INTS1: variants seen among roughly 807,000 people sequenced by gnomAD.
INTS1 encodes integrator complex subunit 1.
Under a neutral mutation model 241.6 loss-of-function variants are expected in INTS1, and 137 were observed. That is an observed-to-expected ratio of 0.57 (90% CI 0.49 to 0.65). INTS1 has a LOEUF of 0.65. Ranked by LOEUF, INTS1 falls within the 30% of genes least tolerant of loss-of-function variation. The pLI is 0.00. For synonymous variants in INTS1, 1,692 were observed against 1,337.8 expected (o/e 1.26, Z -5.78); for missense variants, 3,073 against 3,032.2 (o/e 1.01, Z -0.32).
In INTS1 at chr7:1,500,267, T is replaced by C; in HGVS notation, c.449A>G (p.Lys150Arg). 2 of 1,601,830 alleles carry C rather than the reference T, an allele frequency of 1.2e-6. No individual in the cohort carries two copies. Among genetic ancestry groups the C allele is most frequent in the Non-Finnish European group, 1.7e-6 (2 of 1,174,212 alleles). ...GVLCGAVKQLKVTRAKPDSTL... is the reference protein window; with the variant it reads ...GVLCGAVKQLRVTRAKPDSTL... ...GCTGTCAGGCTTGGCGCGGGTGACC[T>C]TCAGCTGCTTCACGGCCCCGCACAG... Residue 150 changes from lysine to arginine, a missense_variant, in exon 4 of 48, where the codon AAG (lysine) becomes AGG (arginine). Transcript: ENST00000404767.
At chr7:1,482,443 C>G in intron 27 of INTS1, 103 bp downstream of exon 27, 1 of 1,198,888 alleles carries the variant, frequency 8.3e-7, no homozygotes, top group Non-Finnish European at 1.2e-6. Context: ...GGCCAGTCTT[C>G]TCCTCTGCCA....
At chr7:1,502,231 A>G (rs1161629099) in intron 3 of INTS1, among the ~76,000 whole-genome samples, 2 of 152,124 alleles carry the variant, frequency 1.3e-5, no homozygotes, top group Admixed American at 1.3e-4. Flanking sequence ...CAGAAACAAA[A>G]CACTGCAGAC....
intron 43 of INTS1, 27 bp from the exon 44 acceptor site, chr7:1,472,413 A>G (rs1584254581): frequency 6.7e-7 from 1 of 1,481,974 alleles, no homozygotes. Flanking sequence ...GTGCTGCAGG[A>G]GGGCGGGAGC....
chr7:1,490,867 G>T (rs946771400), intron 16 of INTS1, among the ~76,000 whole-genome samples: 1 of 152,236 alleles, frequency 6.6e-6, no homozygotes, highest in African/African-American at 2.4e-5. Flanking sequence ...CAGACGTGCA[G>T]ACGGACAGAA....
chr7:1,478,552 C>G (rs1781844890), intron 32 of INTS1, 46 bp from the exon 33 acceptor site: 1 of 1,590,350 alleles, frequency 6.3e-7, no homozygotes. Flanking sequence ...GCCCTCACCC[C>G]ATCGGTGTAT....
chr7:1,503,975 C>G lies in INTS1; in HGVS notation c.-15G>C, dbSNP rs547985201. 6.5e-6 allele frequency: 10 copies of G among 1,544,428 alleles called. No homozygotes were observed. Among genetic ancestry groups the G allele is most frequent in the Non-Finnish European group, 7.9e-6 (9 of 1,145,774 alleles). ...GCCCGGTTCATCCTGCCCCGTCCCT[C>G]GCGGCTCCCGGCGGCTGCGGCGTCA... is the stretch of plus-strand genomic sequence containing the variant. On this transcript the variant is annotated 5_prime_UTR_variant, in exon 2 of 48. Coordinates refer to ENST00000404767, the MANE Select transcript of INTS1 (RefSeq NM_001080453.3).
chr7:1,477,413 C>T, intron 35 of INTS1, 137 bp downstream of exon 35: 2 of 1,022,292 alleles, frequency 2.0e-6, no homozygotes, highest in South Asian at 1.8e-5. Context: ...TGGGTTGCTA[C>T]AGGGACACAT....
At chr7:1,498,646 A>G (rs1450542170) in intron 9 of INTS1, 61 bp downstream of exon 9, 21 of 241,418 alleles carry the variant, frequency 8.7e-5, no homozygotes, top group Non-Finnish European at 1.1e-4. Flanking sequence ...CGCTCCGCCC[A>G]CACCCCCACC....
rs753950787 is a variant in INTS1 at position 1,484,008 on chromosome 7, T to C, written c.3424A>G (p.Ser1142Gly). 4 of 1,607,758 alleles carry C rather than the reference T, an allele frequency of 2.5e-6. No homozygotes were observed. Among genetic ancestry groups the C allele is most frequent in the East Asian group, 2.2e-5 (1 of 44,716 alleles). ...GTAGACCTCCTCGCCCTCACCCAGC[T>C]GTAGACCTCCTCGCCCTCCTTGCTC... The part of the protein sequence containing the change: ...RQSKEGEEVY[S>G]WSESQDQVFL... Residue 1142 changes from serine to glycine, a missense_variant, in exon 25 of 48, where the codon AGC (serine) becomes GGC (glycine). Physicochemically the swap from Ser to Gly is moderately conservative, Grantham distance 56 (BLOSUM62 0). Transcript: ENST00000404767.
chr7:1,470,742 C>T (rs1781421736), intron 47 of INTS1, 50 bp from the exon 48 acceptor site: 5 of 1,485,348 alleles, frequency 3.4e-6, no homozygotes, highest in African/African-American at 1.4e-5. Flanking sequence ...AACATCCTGG[C>T]CGCAGTGACC....
At chr7:1,483,074 G>A (rs1782072434) in intron 26 of INTS1, 1 of 247,194 alleles carries the variant, frequency 4.0e-6, no homozygotes, top group Admixed American at 5.0e-5. Context: ...GGCCCACACA[G>A]GGCCAGCTTC....
At chr7:1,482,977 C>A (rs1782067587) in intron 26 of INTS1, 2 of 444,706 alleles carry the variant, frequency 4.5e-6, no homozygotes, top group Non-Finnish European at 8.1e-6. Context: ...CCCCATCCAG[C>A]CCCTGCCCTC....
chr7:1,479,761 G>C, intron 30 of INTS1, 77 bp from the exon 31 acceptor site: 1 of 1,376,060 alleles, frequency 7.3e-7, no homozygotes. Context: ...TAAGCGCCCG[G>C]TGCAGCTCCG....
Position 1,500,245 on chromosome 7 carries a change from G to A in INTS1, c.471C>T (p.Asp157=), listed in dbSNP as rs562272888. The change falls in exon 4 of 48, where the codon GAC becomes GAT. Residue 157 remains aspartate, a synonymous_variant. Coordinates refer to ENST00000404767, the MANE Select transcript of INTS1 (RefSeq NM_001080453.3). ...KQLKVTRAKP[D]STLYLSLMYL... is the part of the protein sequence containing the mutation. ...ACATGAGGCTCAGGTAGAGGGTGCTGTCAGGCTTGGCGCGGGTGACCTTCA... is the reference window on the plus strand; with the variant it reads ...ACATGAGGCTCAGGTAGAGGGTGCTATCAGGCTTGGCGCGGGTGACCTTCA... 81 of 1,605,198 alleles carry A rather than the reference G, an allele frequency of 5.0e-5. 2 individuals are homozygous for A. In the East Asian group the frequency reaches 1.8e-3, roughly 35 times the overall value.
chr7:1,485,914 C>T (rs1312722720), intron 22 of INTS1, among the ~76,000 whole-genome samples: 1 of 152,326 alleles, frequency 6.6e-6, no homozygotes, highest in Non-Finnish European at 1.5e-5. Context: ...CCATCTCAGC[C>T]TCCCAAGTGG....
At chr7:1,477,044 C>G in intron 35 of INTS1, 126 bp from the exon 36 acceptor site, 1 of 1,220,762 alleles carries the variant, frequency 8.2e-7, no homozygotes, top group East Asian at 2.5e-5. Flanking sequence ...CCGGTAACAC[C>G]GGCCCCGTCA....
At position 1,481,427 on chromosome 7, in the gene INTS1, C is replaced by T. The variant is rs201348159; in HGVS notation, c.3765G>A (p.Val1255=). The T allele has an allele frequency of 7.4e-6, 12 of 1,612,820 alleles. No individual in the cohort carries two copies. The highest frequency in any genetic ancestry group is 8.5e-6 in the Non-Finnish European group (10 of 1,179,702). The change falls in exon 28 of 48, where the codon GTG becomes GTA. Residue 1255 remains valine (V), a synonymous_variant. Coordinates refer to ENST00000404767, the MANE Select transcript of INTS1 (RefSeq NM_001080453.3). This position sits in a 1 kb window ranked among gnomAD's most constrained non-coding sequence, Gnocchi z 6.8. ...LLFVQSFGIP[V]SSMSKLLQFL... ...ACTGGAGGAGTTTGCTCATGCTGGA[C>T]ACGGGGATGCCAAACGACTGCACGA...
Position 1,481,261 on chromosome 7 carries a change from G to T in INTS1, c.3850+81C>A. ...CCGACCTCGGATCACCCACCCGCTC[G>T]CACCCAGGCCCCAAAAGCCTGGCCG... is the stretch of plus-strand genomic sequence containing the variant. On this transcript the variant is annotated intron_variant, in intron 28 of 47. Transcript: ENST00000404767. The surrounding 1 kb of genome is among the most constrained non-coding windows in gnomAD (Gnocchi z 6.8). 6.5e-7 allele frequency: 1 copy of T among 1,529,564 alleles called. No homozygotes were observed. 94.7% of individuals were successfully genotyped at this position (1,529,564 alleles called of 1,614,324 possible).
chr7:1,498,330 G>A (rs767915196), intron 10 of INTS1, 82 bp downstream of exon 10: 130 of 1,557,120 alleles, frequency 8.3e-5, no homozygotes, highest in Non-Finnish European at 1.1e-4. Flanking sequence ...CAATCCACCG[G>A]CCTCCCCAGA....
Sources: allele counts gnomAD v4.1 joint callset (sites outside exome capture counted in the v4.1 genomes callset), GRCh38; gene constraint gnomAD v4.1.1; non-coding constraint Gnocchi (gnomAD v3.1); transcripts MANE v1.5; gene names NCBI Gene and HGNC (gene_info 2026-07-23, HGNC 2026-07-21).